The following ARMC9 variants were observed in gnomAD, a reference collection of about 807,000 sequenced individuals.
ARMC9 encodes the protein lisH domain-containing protein ARMC9.
ARMC9 carries 94 observed loss-of-function variants against 107.0 expected under a neutral mutation model. That is an observed-to-expected ratio of 0.88 (90% confidence interval 0.74 to 1.04). The LOEUF is 1.04. Ranked by LOEUF, ARMC9 falls within the 50% of genes least tolerant of loss-of-function variation. ARMC9 has a pLI of 0.00. For synonymous variants in ARMC9, 380 were observed against 396.9 expected (o/e 0.96, Z 0.51); for missense variants, 942 against 1,030.1 (o/e 0.91, Z 1.17).
chr2:231,247,443 C>A (rs2036874808), intron 9 of ARMC9, among the ~76,000 whole-genome samples: 1 of 152,198 alleles, frequency 6.6e-6, no homozygotes, highest in Admixed American at 6.5e-5. Flanking sequence ...CCCTTGCCTT[C>A]TCCCCAGTGT....
intron 12 of ARMC9, among the ~76,000 whole-genome samples, chr2:231,269,070 A>C (rs889492072): frequency 2.0e-5 from 3 of 152,148 alleles, no homozygotes; most frequent in Non-Finnish European, 4.4e-5. Flanking sequence ...GACTCAAAAA[A>C]TTTAAAAAAA....
At chr2:231,345,717 C>T (rs1184995728) in intron 21 of ARMC9, among the ~76,000 whole-genome samples, 1 of 152,148 alleles carries the variant, frequency 6.6e-6, no homozygotes, top group African/African-American at 2.4e-5. Context: ...CTCTCTTTTC[C>T]TGTCTAGAGA....
intron 20 of ARMC9, among the ~76,000 whole-genome samples, chr2:231,335,760 C>T (rs867523476): frequency 3.3e-5 from 5 of 152,252 alleles, no homozygotes; most frequent in South Asian, 4.1e-4. Context: ...TTTTTAGTAC[C>T]GTGCATACCG....
At chr2:231,296,275 C>T (rs371213443) in intron 19 of ARMC9, 22 bp downstream of exon 19, 2 of 1,600,522 alleles carry the variant, frequency 1.2e-6, no homozygotes, top group Non-Finnish European at 1.7e-6. Flanking sequence ...GTTCTTGACA[C>T]CACATAGAAA....
Position 231,297,807 on chromosome 2 carries a change from A to G in ARMC9, c.1773+1554A>G, listed in dbSNP as rs549250588. On this transcript the variant is annotated intron_variant, in intron 19 of 24. Coordinates refer to ENST00000611582, the MANE Select transcript of ARMC9 (RefSeq NM_001352754.2). The surrounding 1 kb of genome is among the most constrained non-coding windows in gnomAD (Gnocchi z 4.2). Reference sequence around the variant, plus strand: ...CAATATCATTCTAAATGATAGTTTAAATTAATATTTAATTATTTGTTTTTA... The same window carrying G: ...CAATATCATTCTAAATGATAGTTTAGATTAATATTTAATTATTTGTTTTTA... 6.6e-6 allele frequency among the ~76,000 whole-genome samples: 1 copy of G among 152,256 alleles called. No individual in the cohort carries two copies. Among genetic ancestry groups the G allele is most frequent in the South Asian group, 2.1e-4 (1 of 4,820 alleles).
At chr2:231,359,341 C>G (rs924728307) in intron 22 of ARMC9, among the ~76,000 whole-genome samples, 1 of 151,778 alleles carries the variant, frequency 6.6e-6, no homozygotes, top group Non-Finnish European at 1.5e-5. Context: ...CCTGCCCCAG[C>G]CTCCCAAAGT....
At chr2:231,353,980 T>TATACACAC (rs1395992147) in intron 21 of ARMC9, among the ~76,000 whole-genome samples, 106 of 135,370 alleles carry the variant, frequency 7.8e-4, no homozygotes, top group Middle Eastern at 3.6e-3. Context: ...TATGTATATA[T>TATACACAC]ACACACACAC....
At chr2:231,365,437 C>T (rs137882670) in intron 23 of ARMC9, among the ~76,000 whole-genome samples, 168 of 152,218 alleles carry the variant, frequency 1.1e-3, no homozygotes, top group Admixed American at 7.3e-3. Context: ...GAGTCATAAT[C>T]CGGCTGCTAA....
rs773845468 is a variant in ARMC9 at position 231,211,358 on chromosome 2, T to TAA, written c.177+3121_177+3122dup. The stretch of plus-strand genomic sequence containing the variant: ...CAACATGGTGAAACCCCGCCTCTAC[T>TAA]AAAAAAAAAAAAAAAATACAAAAAT... On this transcript the variant is annotated intron_variant, in intron 3 of 24. Coordinates refer to ENST00000611582, the MANE Select transcript of ARMC9 (RefSeq NM_001352754.2). Among the ~76,000 whole-genome samples, 818 of 131,158 alleles carry TAA rather than the reference T, an allele frequency of 6.2e-3. 6 individuals carry two copies. Among genetic ancestry groups the TAA allele is most frequent in the African/African-American group, 0.022 (776 of 35,736 alleles). The allele number at this position is 131,158 out of a possible 152,430, so 86.0% of individuals were successfully genotyped here. A position where few individuals can be genotyped will look rare whatever the true frequency, so the allele number is the denominator to read the frequency against.
intron 17 of ARMC9, among the ~76,000 whole-genome samples, chr2:231,283,546 C>T (rs1226791588): frequency 6.6e-6 from 1 of 152,140 alleles, no homozygotes; most frequent in Non-Finnish European, 1.5e-5. Context: ...TCTCCTGTCT[C>T]AGCCTCCCAA....
chr2:231,319,151 A>G (rs533073065), intron 19 of ARMC9, among the ~76,000 whole-genome samples: 7 of 152,302 alleles, frequency 4.6e-5, no homozygotes, highest in African/African-American at 1.7e-4. Context: ...TAAGTGATCA[A>G]AGTGCTAGTT....
intron 9 of ARMC9, among the ~76,000 whole-genome samples, chr2:231,247,092 A>G (rs113981737): frequency 0.04 from 6,072 of 152,054 alleles, 184 homozygotes; most frequent in Non-Finnish European, 0.059. Flanking sequence ...AGTAGCTGGG[A>G]CTACAGGCTC....
chr2:231,244,831 T>C (rs1179866976), intron 9 of ARMC9, among the ~76,000 whole-genome samples: 1 of 152,232 alleles, frequency 6.6e-6, no homozygotes, highest in East Asian at 1.9e-4. Context: ...TTGACACGTC[T>C]TCTCTGGTGG....
At chr2:231,317,112 G>T (rs927818106) in intron 19 of ARMC9, among the ~76,000 whole-genome samples, 2 of 151,900 alleles carry the variant, frequency 1.3e-5, no homozygotes, top group Non-Finnish European at 2.9e-5. Flanking sequence ...GGTTCTTAGC[G>T]GTTTGTCTAT....
chr2:231,340,905 A>G (rs2044461572), intron 20 of ARMC9, among the ~76,000 whole-genome samples: 1 of 151,858 alleles, frequency 6.6e-6, no homozygotes, highest in Non-Finnish European at 1.5e-5. Flanking sequence ...CAAACAAACA[A>G]ACAAAAAACA....
At chr2:231,247,597 C>T (rs1315397209) in intron 9 of ARMC9, among the ~76,000 whole-genome samples, 2 of 152,230 alleles carry the variant, frequency 1.3e-5, no homozygotes, top group African/African-American at 4.8e-5. Flanking sequence ...TATACCAATG[C>T]CTGTTGCATA....
intron 16 of ARMC9, among the ~76,000 whole-genome samples, chr2:231,280,551 TAG>T (rs2040137960): frequency 6.6e-6 from 1 of 152,114 alleles, no homozygotes; most frequent in Non-Finnish European, 1.5e-5. Context: ...ATATATACTT[TAG>T]AGCCAAGTAA....
At chr2:231,310,138 G>C (rs1350242345) in intron 19 of ARMC9, among the ~76,000 whole-genome samples, 1 of 152,230 alleles carries the variant, frequency 6.6e-6, no homozygotes, top group African/African-American at 2.4e-5. Flanking sequence ...TATGGGGCCG[G>C]GCGCGGTGGC....
intron 21 of ARMC9, chr2:231,345,305 AG>A (rs1309257077): frequency 2.4e-6 from 2 of 819,820 alleles, no homozygotes; most frequent in Non-Finnish European, 1.7e-6. Flanking sequence ...GTTGGATTAC[AG>A]GATCTCCAGG....
Sources: gnomAD v4.1 joint callset for allele counts (sites outside exome capture counted in the v4.1 genomes callset) on GRCh38, gnomAD v4.1.1 for gene constraint, Gnocchi (gnomAD v3.1) non-coding constraint, MANE v1.5 for transcripts, NCBI Gene and HGNC (gene_info 2026-07-23, HGNC 2026-07-21) for gene names.